Variants in SVIL observed in about 807,000 individuals in gnomAD.
SVIL encodes supervillin, also known as archvillin.
In SVIL, 101 loss-of-function variants were observed where a neutral mutation model predicts 240.4. The ratio of observed to expected loss-of-function variants is 0.42; its 90% CI spans 0.36 to 0.50. SVIL has a LOEUF of 0.50. SVIL is among the 20% of genes least tolerant of loss of function. The probability of loss-of-function intolerance (pLI) is 0.01; values close to 1 mark genes in which losing one functional copy is unlikely to be tolerated. For synonymous variants in SVIL, 999 were observed against 1,100.0 expected (o/e 0.91, Z 1.82); for missense variants, 2,512 against 2,818.7 (o/e 0.89, Z 2.46).
In SVIL at chr10:29,480,688, G is replaced by A. The variant is rs748042633; in HGVS notation, c.5226C>T (p.His1742=). ...VGRGYGLVEG[H]DRRQFEITSV... ...TGGTGATCTCAAACTGCCTCCTGTC[G>A]TGTCCTTCCACCAGGCCATAGCCAC... Residue 1742 remains histidine (H), a synonymous_variant, in exon 29 of 38, where the codon CAC becomes CAT. Transcript: ENST00000355867. The A allele has an allele frequency of 1.2e-5, 19 of 1,614,022 alleles. No homozygotes were observed. The highest frequency in any genetic ancestry group is 2.7e-5 in the African/African-American group (2 of 74,912).
chr10:29,571,344 G>A (rs1955407415), intron 1 of SVIL, among the ~76,000 whole-genome samples: 1 of 152,200 alleles, frequency 6.6e-6, no homozygotes, highest in African/African-American at 2.4e-5. Flanking sequence ...ATTTGCTCTG[G>A]TTAAGGAGAC....
chr10:29,517,469 G>A (rs1950286217), intron 16 of SVIL, among the ~76,000 whole-genome samples: 1 of 151,982 alleles, frequency 6.6e-6, no homozygotes, highest in African/African-American at 2.4e-5. Flanking sequence ...GAAAAGGAGG[G>A]AGTAAAGGGG....
intron 10 of SVIL, 150 bp from the exon 11 acceptor site, chr10:29,530,818 G>T: frequency 1.1e-6 from 1 of 879,834 alleles, no homozygotes; most frequent in Non-Finnish European, 1.8e-6. Context: ...CTTGCAGGGA[G>T]CCCATTCTTT....
rs548041812 is a variant in SVIL at position 29,702,308 on chromosome 10, T to A, written c.-399-15657A>T. 6.5e-4 allele frequency among the ~76,000 whole-genome samples: 59 copies of A among 90,086 alleles called. No individual in the cohort carries two copies. In the Middle Eastern group the frequency reaches 0.017, roughly 26 times the overall value. The allele number at this position is 90,086 out of a possible 152,430, so 59.1% of individuals were successfully genotyped here. A position where few individuals can be genotyped will look rare whatever the true frequency, so the allele number is the denominator to read the frequency against. ...ATGTTCCATCAAAATAAGAAAAAAA[T>A]ATTCAAAGAAAAAAAATCCACATTC... On this transcript the variant is annotated intron_variant, in intron 1 of 35. Transcript: ENST00000375400.
At chr10:29,623,488 C>T (rs1211086313) in intron 1 of SVIL, among the ~76,000 whole-genome samples, 4 of 152,240 alleles carry the variant, frequency 2.6e-5, no homozygotes, top group Admixed American at 6.5e-5. Context: ...CATTAGGAGC[C>T]GTAAGGCTCA....
intron 30 of SVIL, among the ~76,000 whole-genome samples, chr10:29,472,052 T>C (rs913526359): frequency 6.6e-6 from 1 of 152,164 alleles, no homozygotes; most frequent in African/African-American, 2.4e-5. Context: ...AAGGCTGCAG[T>C]GAGTGGTGAT....
At chr10:29,731,238 C>G (rs1384958025) in intron 1 of SVIL, among the ~76,000 whole-genome samples, 1 of 152,208 alleles carries the variant, frequency 6.6e-6, no homozygotes, top group South Asian at 2.1e-4. Context: ...GGGCCCAACC[C>G]TTATTCATCT....
At chr10:29,633,874 C>T (rs180739397) in intron 1 of SVIL, among the ~76,000 whole-genome samples, 3 of 152,168 alleles carry the variant, frequency 2.0e-5, no homozygotes, top group Admixed American at 1.3e-4. Flanking sequence ...AGGTTTTTCT[C>T]ATAAATTCTG....
rs993910251 is a variant in SVIL, at chr10:29,479,415, C to A, written c.5377+1122G>T. Among the ~76,000 whole-genome samples, 17 of 152,270 alleles carry A rather than the reference C, an allele frequency of 1.1e-4. No individual in the cohort carries two copies. The East Asian group carries it at 1.9e-3, about 17-fold the overall frequency. ...AAATGTCTCAGGGAGCCCAGTAGGC[C>A]CTCAGCTACAGGCAGAGTAAAGCCC... On this transcript the variant is annotated intron_variant, in intron 29 of 37. Coordinates refer to ENST00000355867, the MANE Select transcript of SVIL (RefSeq NM_021738.3).
At chr10:29,635,751 G>T (rs1958287978), upstream of SVIL, among the ~76,000 whole-genome samples, 1 of 152,108 alleles carries the variant, frequency 6.6e-6, no homozygotes, top group Non-Finnish European at 1.5e-5. Flanking sequence ...ACAATTGTAG[G>T]TCTCTGTCCC....
intron 1 of SVIL, among the ~76,000 whole-genome samples, chr10:29,718,546 A>G (rs1963775598): frequency 6.6e-6 from 1 of 152,136 alleles, no homozygotes; most frequent in African/African-American, 2.4e-5. Context: ...CTGAATTTTC[A>G]GATTCTAGGC....
chr10:29,702,175 C>CAAAAAA (rs60338711), intron 1 of SVIL, among the ~76,000 whole-genome samples: 11 of 61,640 alleles, frequency 1.8e-4, no homozygotes, highest in Admixed American at 4.4e-4. Context: ...ACTCCATCTC[C>CAAAAAA]AAAAAAAAAA....
At chr10:29,691,807 C>G (rs1961531096) in intron 1 of SVIL, among the ~76,000 whole-genome samples, 1 of 152,178 alleles carries the variant, frequency 6.6e-6, no homozygotes, top group Non-Finnish European at 1.5e-5. Context: ...CTGTAACACT[C>G]TGTTATAGGT....
intron 2 of SVIL, among the ~76,000 whole-genome samples, chr10:29,670,570 G>A (rs766242927): frequency 2.0e-5 from 3 of 152,126 alleles, no homozygotes; most frequent in African/African-American, 7.2e-5. Flanking sequence ...TGTAAACATC[G>A]TTTGTTTGAC....
At chr10:29,504,673 C>CA (rs1186767353) in intron 17 of SVIL, among the ~76,000 whole-genome samples, 1 of 152,116 alleles carries the variant, frequency 6.6e-6, no homozygotes, top group Admixed American at 6.5e-5. Context: ...ATTAGGATGG[C>CA]AAAAATGCAA....
At chr10:29,490,825 G>A (rs1238092487) in intron 22 of SVIL, 22 bp downstream of exon 22, 23 of 1,611,970 alleles carry the variant, frequency 1.4e-5, no homozygotes, top group Non-Finnish European at 2.0e-5. Flanking sequence ...CACAGAAGCA[G>A]GGTGGGGGTT....
At chr10:29,631,305 G>C (rs539529679) in intron 1 of SVIL, among the ~76,000 whole-genome samples, 126 of 152,352 alleles carry the variant, frequency 8.3e-4, no homozygotes, top group African/African-American at 2.9e-3. Context: ...GAGAAACCGA[G>C]GGCCAAGGGA....
chr10:29,499,063 C>T, intron 18 of SVIL, 53 bp downstream of exon 18: 3 of 1,592,098 alleles, frequency 1.9e-6, no homozygotes, highest in Non-Finnish European at 2.6e-6. Context: ...GGTAAGTGTG[C>T]TCACGTGTGT....
At chr10:29,587,967 T>C (rs1356860560) in intron 1 of SVIL, among the ~76,000 whole-genome samples, 1 of 152,132 alleles carries the variant, frequency 6.6e-6, no homozygotes, top group African/African-American at 2.4e-5. Flanking sequence ...ACTCAGAGAC[T>C]CTCCCCCACC....
Sources: gnomAD v4.1 joint callset for allele counts (sites outside exome capture counted in the v4.1 genomes callset) on GRCh38, gnomAD v4.1.1 for gene constraint, MANE v1.5 for transcripts, NCBI Gene and HGNC (gene_info 2026-07-23, HGNC 2026-07-21) for gene names.